The following EPHB1 variants were observed in gnomAD, a reference collection of about 807,000 sequenced individuals.
EPHB1 encodes the protein ephrin type-B receptor 1.
Under a neutral mutation model 94.4 loss-of-function variants are expected in EPHB1, and 30 were observed. That is an observed-to-expected ratio of 0.32 (90% CI 0.24 to 0.43). The LOEUF is 0.43. Among genes scored for constraint, EPHB1 ranks in the 20% least tolerant of loss-of-function variants. EPHB1 has a pLI of 1.00. For synonymous variants in EPHB1, 522 were observed against 489.1 expected (o/e 1.07, Z -0.89); for missense variants, 1,055 against 1,308.3 (o/e 0.81, Z 2.99).
At chr3:134,798,975 C>T (rs1288791160) in intron 1 of EPHB1, among the ~76,000 whole-genome samples, 1 of 152,220 alleles carries the variant, frequency 6.6e-6, no homozygotes, top group East Asian at 1.9e-4. Context: ...GAGACCTGCT[C>T]TTTTGTGTAG....
chr3:135,035,719 C>T (rs903835670), intron 3 of EPHB1, among the ~76,000 whole-genome samples: 39 of 152,192 alleles, frequency 2.6e-4, no homozygotes, highest in African/African-American at 8.7e-4. Flanking sequence ...CCTTGAGGTA[C>T]TACTCCAGCA....
At chr3:135,125,185 A>G (rs1228498305) in intron 4 of EPHB1, among the ~76,000 whole-genome samples, 3 of 151,596 alleles carry the variant, frequency 2.0e-5, no homozygotes, top group African/African-American at 7.3e-5. Context: ...ACTAGTTTCC[A>G]CAGGCCCCTG....
chr3:134,883,712 A>G (rs555596452), intron 1 of EPHB1, among the ~76,000 whole-genome samples: 2 of 152,318 alleles, frequency 1.3e-5, no homozygotes, highest in East Asian at 3.9e-4. Flanking sequence ...CCGGGTAAAC[A>G]AGGGGATCAC....
intron 4 of EPHB1, among the ~76,000 whole-genome samples, chr3:135,127,894 C>T (rs1350870419): frequency 3.9e-5 from 6 of 152,166 alleles, no homozygotes; most frequent in Non-Finnish European, 7.3e-5. Flanking sequence ...TCCTGGAGGA[C>T]ATCGGAGACC....
intron 10 of EPHB1, among the ~76,000 whole-genome samples, chr3:135,187,782 G>A (rs1942363778): frequency 6.6e-6 from 1 of 152,142 alleles, no homozygotes. Flanking sequence ...AAGCTCTGAT[G>A]TGTCTTAGAT....
At chr3:134,987,555 C>T (rs931592669) in intron 3 of EPHB1, among the ~76,000 whole-genome samples, 1 of 152,022 alleles carries the variant, frequency 6.6e-6, no homozygotes, top group Non-Finnish European at 1.5e-5. Flanking sequence ...GTCAGGAGAT[C>T]GAGACCATCC....
intron 15 of EPHB1, among the ~76,000 whole-genome samples, chr3:135,254,884 C>T (rs1933304410): frequency 6.6e-6 from 1 of 152,168 alleles, no homozygotes; most frequent in Non-Finnish European, 1.5e-5. Flanking sequence ...ATTATTGCCA[C>T]AATTTCAGAT....
At chr3:134,860,650 C>T (rs1170321203) in intron 1 of EPHB1, among the ~76,000 whole-genome samples, 2 of 151,954 alleles carry the variant, frequency 1.3e-5, no homozygotes, top group Non-Finnish European at 2.9e-5. Context: ...CCATCTCTAC[C>T]AAATATATAA....
At chr3:135,099,051 T>A (rs1229556645) in intron 3 of EPHB1, among the ~76,000 whole-genome samples, 1 of 150,682 alleles carries the variant, frequency 6.6e-6, no homozygotes, top group Non-Finnish European at 1.5e-5. Context: ...GAATCCACAC[T>A]TTGTGTGGGA....
chr3:135,187,418 A>C (rs956527902), intron 10 of EPHB1, among the ~76,000 whole-genome samples: 4 of 152,240 alleles, frequency 2.6e-5, no homozygotes, highest in African/African-American at 9.6e-5. Flanking sequence ...AGTAAAACGA[A>C]GCTCTTTAGA....
rs113786272 is a variant in EPHB1 at position 135,190,785 on chromosome 3, G to A, written c.1883-1791G>A. On this transcript the variant is annotated intron_variant, in intron 10 of 15. Transcript: ENST00000398015. ...AGTTTGTAACCCAAGAGTGAGCAAG[G>A]CAAAAGCCAAACATATAATAATAAA... 3.3e-5 allele frequency among the ~76,000 whole-genome samples: 5 copies of A among 152,300 alleles called. 1 individual carries two copies. Among genetic ancestry groups the A allele is most frequent in the African/African-American group, 1.2e-4 (5 of 41,568 alleles).
At chr3:134,891,786 T>C (rs955843332) in intron 1 of EPHB1, among the ~76,000 whole-genome samples, 3 of 152,238 alleles carry the variant, frequency 2.0e-5, no homozygotes, top group African/African-American at 7.2e-5. Context: ...GTTGGGAAAC[T>C]GTGTATGAAG....
intron 13 of EPHB1, among the ~76,000 whole-genome samples, chr3:135,244,407 G>A (rs892419535): frequency 6.6e-6 from 1 of 152,152 alleles, no homozygotes; most frequent in Non-Finnish European, 1.5e-5. Context: ...AATGCCATCT[G>A]ATTTCATTCT....
At chr3:134,812,032 G>A (rs1464722981) in intron 1 of EPHB1, among the ~76,000 whole-genome samples, 1 of 152,172 alleles carries the variant, frequency 6.6e-6, no homozygotes, top group Non-Finnish European at 1.5e-5. Context: ...TAACAAGTAC[G>A]GACGGCTATG....
chr3:134,812,774 T>G lies in EPHB1; in HGVS notation c.58+17085T>G, dbSNP rs1322112316. On this transcript the variant is annotated intron_variant, in intron 1 of 15. Coordinates refer to ENST00000398015, the MANE Select transcript of EPHB1 (RefSeq NM_004441.5). ...CCACATCCTCACCAGCAGTTGGTATTTTCAGTCTTTAAATTTTAACCACCC... is the reference window on the plus strand; with the variant it reads ...CCACATCCTCACCAGCAGTTGGTATGTTCAGTCTTTAAATTTTAACCACCC... Among the ~76,000 whole-genome samples, 8 of 152,330 alleles carry G rather than the reference T, an allele frequency of 5.3e-5. No homozygotes were observed. The South Asian group carries it at 1.0e-3, about 20-fold the overall frequency.
At chr3:134,803,477 T>C (rs1042936792) in intron 1 of EPHB1, among the ~76,000 whole-genome samples, 4 of 152,112 alleles carry the variant, frequency 2.6e-5, no homozygotes, top group African/African-American at 9.7e-5. Flanking sequence ...GTCTGCACAG[T>C]CTTGACATGA....
At chr3:134,943,100 A>G (rs894509750) in intron 2 of EPHB1, among the ~76,000 whole-genome samples, 6 of 152,154 alleles carry the variant, frequency 3.9e-5, no homozygotes, top group African/African-American at 1.2e-4. Context: ...CCTGCCATGG[A>G]TCCACCACCT....
intron 3 of EPHB1, among the ~76,000 whole-genome samples, chr3:134,969,502 A>G (rs1386853511): frequency 2.0e-5 from 3 of 152,196 alleles, no homozygotes; most frequent in Non-Finnish European, 4.4e-5. Flanking sequence ...GGGAGAGCCA[A>G]TTCTTAGACA....
At chr3:134,864,004 C>T (rs945196271) in intron 1 of EPHB1, among the ~76,000 whole-genome samples, 2 of 152,148 alleles carry the variant, frequency 1.3e-5, no homozygotes, top group Admixed American at 6.5e-5. Context: ...ACAGCATACC[C>T]GCTGGTGTCA....
Sources: gnomAD v4.1 joint callset for allele counts (sites outside exome capture counted in the v4.1 genomes callset) on GRCh38, gnomAD v4.1.1 for gene constraint, MANE v1.5 for transcripts, NCBI Gene and HGNC (gene_info 2026-07-23, HGNC 2026-07-21) for gene names.